The following DCLK1 variants were observed in gnomAD, a reference collection of about 807,000 sequenced individuals.
DCLK1 encodes serine/threonine-protein kinase DCLK1.
In DCLK1, 16 loss-of-function variants were observed where a neutral mutation model predicts 86.2. The observed-to-expected ratio is 0.19, with a 90% CI of 0.13 to 0.28. The LOEUF is 0.28. Among genes scored for constraint, DCLK1 ranks in the 10% least tolerant of loss-of-function variants. The probability of loss-of-function intolerance (pLI) is 1.00; values close to 1 mark genes in which losing one functional copy is unlikely to be tolerated. For synonymous variants in DCLK1, 369 were observed against 370.5 expected (o/e 1.00, Z 0.05); for missense variants, 590 against 940.2 (o/e 0.63, Z 4.87).
chr13:35,823,881 C>T (rs1233397298), intron 10 of DCLK1, among the ~76,000 whole-genome samples: 1 of 152,236 alleles, frequency 6.6e-6, no homozygotes, highest in African/African-American at 2.4e-5. Flanking sequence ...TGCCCCTGTA[C>T]AGTCTCCACT....
At chr13:36,081,733 G>A (rs1335424964) in intron 3 of DCLK1, among the ~76,000 whole-genome samples, 1 of 152,130 alleles carries the variant, frequency 6.6e-6, no homozygotes, top group Non-Finnish European at 1.5e-5. Flanking sequence ...ACCATTGCTT[G>A]AATATGCTCT....
At chr13:35,996,704 CAT>C (rs35838697) in intron 3 of DCLK1, among the ~76,000 whole-genome samples, 1 of 129,328 alleles carries the variant, frequency 7.7e-6, no homozygotes, top group East Asian at 2.0e-4. Flanking sequence ...AATCTCTTTC[CAT>C]ATATATATAT....
intron 3 of DCLK1, among the ~76,000 whole-genome samples, chr13:36,065,856 T>G (rs1883728907): frequency 6.6e-6 from 1 of 152,140 alleles, no homozygotes; most frequent in South Asian, 2.1e-4. Flanking sequence ...AACAAAAGAA[T>G]AGAGGATATA....
chr13:35,774,401 G>T lies in DCLK1; in HGVS notation c.*134C>A. On this transcript the variant is annotated 3_prime_UTR_variant, in exon 17 of 17. Coordinates refer to ENST00000360631, the MANE Select transcript of DCLK1 (RefSeq NM_001330071.2). ...AAGGGAAACCGCTACAAAGATACCT[G>T]AAAACACTTTCAGTTCTGCCATTCA... The T allele has an allele frequency of 9.0e-7, 1 of 1,108,950 alleles. No homozygotes were observed. Among genetic ancestry groups the T allele is most frequent in the Non-Finnish European group, 1.3e-6 (1 of 790,936 alleles). The allele number at this position is 1,108,950 out of a possible 1,614,324, so 68.7% of individuals were successfully genotyped here. A position where few individuals can be genotyped will look rare whatever the true frequency, so the allele number is the denominator to read the frequency against.
chr13:35,960,065 G>T (rs1023053869), intron 3 of DCLK1, among the ~76,000 whole-genome samples: 3 of 151,966 alleles, frequency 2.0e-5, no homozygotes, highest in Admixed American at 6.6e-5. Flanking sequence ...GAGAGAGGAG[G>T]AGAGAAAAAA....
chr13:35,837,324 C>T (rs1446032349), intron 7 of DCLK1, among the ~76,000 whole-genome samples: 1 of 152,194 alleles, frequency 6.6e-6, no homozygotes, highest in African/African-American at 2.4e-5. Flanking sequence ...GCTGCTGCTA[C>T]TTTTGTCCTT....
At chr13:35,897,750 A>T (rs1032441026) in intron 4 of DCLK1, among the ~76,000 whole-genome samples, 1 of 152,202 alleles carries the variant, frequency 6.6e-6, no homozygotes, top group Admixed American at 6.5e-5. Context: ...ATCCACTTAT[A>T]AAAACAAAAG....
chr13:35,992,651 G>T (rs754656750), intron 3 of DCLK1, among the ~76,000 whole-genome samples: 1 of 152,068 alleles, frequency 6.6e-6, no homozygotes, highest in African/African-American at 2.4e-5. Flanking sequence ...CAAAACCCCA[G>T]CATCATTGTT....
At chr13:35,812,929 G>C (rs921432270) in intron 11 of DCLK1, among the ~76,000 whole-genome samples, 1 of 152,208 alleles carries the variant, frequency 6.6e-6, no homozygotes, top group African/African-American at 2.4e-5. Context: ...TGGTCACTTA[G>C]AGTTAAGTTA....
At chr13:35,831,967 C>T (rs567550682) in intron 8 of DCLK1, among the ~76,000 whole-genome samples, 5 of 152,274 alleles carry the variant, frequency 3.3e-5, no homozygotes, top group African/African-American at 1.2e-4. Context: ...CACTGCACCC[C>T]TCACCCAGGG....
At chr13:36,028,523 C>T (rs544808407) in intron 3 of DCLK1, among the ~76,000 whole-genome samples, 3 of 152,174 alleles carry the variant, frequency 2.0e-5, no homozygotes, top group Non-Finnish European at 2.9e-5. Context: ...TGCTTCCTCC[C>T]GCCCTCCAGG....
rs540693373 is a variant in DCLK1 at position 35,828,475 on chromosome 13, T to C, written c.1230-168A>G. On this transcript the variant is annotated intron_variant, in intron 8 of 16. Transcript: ENST00000360631. ...AAAAAAACAAATAAATATGTAAACG[T>C]TGATGGACTGACCAAGTGTAAGGAC... Among the ~76,000 whole-genome samples the C allele has an allele frequency of 3.9e-5, 6 of 152,298 alleles. No homozygotes were observed. In the East Asian group the frequency reaches 9.6e-4, roughly 24 times the overall value.
chr13:35,864,686 T>G (rs1348438919), intron 5 of DCLK1, among the ~76,000 whole-genome samples: 2 of 143,592 alleles, frequency 1.4e-5, no homozygotes, highest in Admixed American at 1.4e-4. Context: ...GGGGTCTCAC[T>G]CTGGCATCCA....
At chr13:35,786,348 A>G (rs551199375) in intron 16 of DCLK1, among the ~76,000 whole-genome samples, 14 of 152,344 alleles carry the variant, frequency 9.2e-5, no homozygotes, top group African/African-American at 3.4e-4. Context: ...TTAATTGTAT[A>G]TTAACTTTAC....
chr13:35,893,576 C>T (rs1365351034), intron 4 of DCLK1, among the ~76,000 whole-genome samples: 4 of 152,176 alleles, frequency 2.6e-5, no homozygotes, highest in African/African-American at 9.6e-5. Flanking sequence ...CCTCCTGTGA[C>T]AGGTCACAGT....
intron 8 of DCLK1, 69 bp from the exon 9 acceptor site, chr13:35,828,376 G>T: frequency 2.3e-6 from 3 of 1,309,642 alleles, no homozygotes; most frequent in Middle Eastern, 2.5e-4. Flanking sequence ...TTTTGTCAGG[G>T]ATCAATTTCC....
intron 15 of DCLK1, among the ~76,000 whole-genome samples, chr13:35,795,054 T>G (rs567331377): frequency 2.0e-5 from 3 of 152,312 alleles, no homozygotes; most frequent in African/African-American, 7.2e-5. Flanking sequence ...AAGGAGCTGT[T>G]ACAAGGCTGC....
intron 3 of DCLK1, among the ~76,000 whole-genome samples, chr13:36,038,123 A>G (rs1309059326): frequency 1.3e-5 from 2 of 152,156 alleles, no homozygotes; most frequent in Admixed American, 6.5e-5. Flanking sequence ...GAGACCATCA[A>G]CCTCATCTTT....
intron 3 of DCLK1, among the ~76,000 whole-genome samples, chr13:35,992,298 C>A (rs1880269421): frequency 6.6e-6 from 1 of 152,198 alleles, no homozygotes; most frequent in Non-Finnish European, 1.5e-5. Context: ...TTTGCTTTTG[C>A]AAGCCATAGT....
Sources: allele counts gnomAD v4.1 joint callset (sites outside exome capture counted in the v4.1 genomes callset), GRCh38; gene constraint gnomAD v4.1.1; transcripts MANE v1.5; gene names NCBI Gene and HGNC (gene_info 2026-07-23, HGNC 2026-07-21).